Variants in MMP26 observed in about 807,000 individuals in gnomAD.
MMP26 encodes the protein matrix metallopeptidase 26.
Under a neutral mutation model 31.0 loss-of-function variants are expected in MMP26, and 33 were observed. That is an observed-to-expected ratio of 1.06 (90% confidence interval 0.81 to 1.42). The LOEUF (loss-of-function observed/expected upper bound fraction) is 1.42. Among genes scored for constraint, MMP26 ranks in the 40% most tolerant of loss-of-function variants. MMP26 has a pLI of 0.00. For missense variants in MMP26, 347 were observed against 316.1 expected, an observed-to-expected ratio of 1.10 and a Z score of -0.74; for synonymous variants, 122 against 114.9, an observed-to-expected ratio of 1.06 and a Z score of -0.40.
In MMP26 at chr11:4,952,359, T is replaced by C. The variant is rs1846382879; in HGVS notation, c.-144-35709T>C. Among the ~76,000 whole-genome samples the C allele has an allele frequency of 1.6e-5, 2 of 124,880 alleles. 1 individual carries two copies. Among genetic ancestry groups the C allele is most frequent in the African/African-American group, 5.4e-5 (2 of 36,956 alleles). The allele number at this position is 124,880 out of a possible 152,430, so 81.9% of individuals were successfully genotyped here. ...AATGAAGTCTTTATATTGAGCTGCC[T>C]ATCCTCACCCTGAGAGAATAGGAGC... On this transcript the variant is annotated intron_variant, in intron 2 of 7. Transcript: ENST00000380390.
intron 2 of MMP26, among the ~76,000 whole-genome samples, chr11:4,840,093 T>C (rs996466071): frequency 2.0e-5 from 3 of 152,030 alleles, no homozygotes; most frequent in Non-Finnish European, 2.9e-5. Flanking sequence ...TCCTTTGCCT[T>C]TGAAAAGTGG....
chr11:4,990,823 A>G lies in MMP26; in HGVS notation c.469+77A>G. ...AAAGGGTTTCCATCCTTAAACAAAAACCTAGCCCCCCTATTAAAGTTTCTG... is the reference window on the plus strand; with the variant it reads ...AAAGGGTTTCCATCCTTAAACAAAAGCCTAGCCCCCCTATTAAAGTTTCTG... On this transcript the variant is annotated intron_variant, in intron 5 of 7. Transcript: ENST00000380390. 3 of 1,432,450 alleles carry G rather than the reference A, an allele frequency of 2.1e-6. No homozygotes were observed. The East Asian group carries it at 6.9e-5, about 33-fold the overall frequency. 88.7% of individuals were successfully genotyped at this position (1,432,450 alleles called of 1,614,324 possible).
At chr11:4,785,799 C>T (rs976624737) in intron 2 of MMP26, among the ~76,000 whole-genome samples, 2 of 152,134 alleles carry the variant, frequency 1.3e-5, no homozygotes, top group African/African-American at 4.8e-5. Context: ...CTAAAAATTG[C>T]AAGACCATTC....
At chr11:4,790,653 G>A (rs17228183) in intron 2 of MMP26, among the ~76,000 whole-genome samples, 14,377 of 152,198 alleles carry the variant, frequency 0.094, 850 homozygotes, top group Middle Eastern at 0.15. Flanking sequence ...AAGGGCCCAG[G>A]TAAGAACATG....
At chr11:4,788,098 A>G (rs1848973325) in intron 2 of MMP26, among the ~76,000 whole-genome samples, 2 of 152,192 alleles carry the variant, frequency 1.3e-5, no homozygotes, top group Non-Finnish European at 2.9e-5. Context: ...ATACATGGAT[A>G]TCCAGTTCTG....
intron 2 of MMP26, among the ~76,000 whole-genome samples, chr11:4,960,672 A>G (rs188191016): frequency 1.7e-3 from 252 of 152,278 alleles, no homozygotes; most frequent in Middle Eastern, 3.4e-3. Context: ...TCCAAAGTCC[A>G]AAACTCCAAA....
chr11:4,845,136 TA>T (rs1210175538), intron 2 of MMP26, among the ~76,000 whole-genome samples: 3 of 151,792 alleles, frequency 2.0e-5, no homozygotes, highest in African/African-American at 4.8e-5. Context: ...AAAAAGAAAT[TA>T]AAAAGTAATC....
intron 2 of MMP26, among the ~76,000 whole-genome samples, chr11:4,983,230 C>G (rs1846840210): frequency 6.6e-6 from 1 of 152,188 alleles, no homozygotes; most frequent in Non-Finnish European, 1.5e-5. Flanking sequence ...ATCGATGGCT[C>G]CTTGCAGCCT....
chr11:4,813,304 C>T (rs1849375756), intron 2 of MMP26, among the ~76,000 whole-genome samples: 1 of 152,118 alleles, frequency 6.6e-6, no homozygotes, highest in Non-Finnish European at 1.5e-5. Flanking sequence ...TAGATCAATA[C>T]ATTATTGAAA....
chr11:4,969,756 C>T (rs900688203), intron 2 of MMP26, among the ~76,000 whole-genome samples: 8 of 151,926 alleles, frequency 5.3e-5, no homozygotes, highest in African/African-American at 1.7e-4. Context: ...CTTTTAAACC[C>T]AAGTAAAGTA....
chr11:4,848,493 TC>T, intron 2 of MMP26: 1 of 1,613,648 alleles, frequency 6.2e-7, no homozygotes, highest in Admixed American at 1.7e-5. Context: ...CCAGCGATCC[TC>T]TCTGGACTCC....
At chr11:4,794,058 G>T (rs2133445080) in intron 2 of MMP26, 1 of 152,262 alleles carries the variant, frequency 6.6e-6, no homozygotes, top group South Asian at 2.1e-4. Context: ...TGATATCTGT[G>T]GTTCTAATGA....
chr11:4,804,984 AATG>A (rs1849247451), intron 2 of MMP26, among the ~76,000 whole-genome samples: 1 of 151,542 alleles, frequency 6.6e-6, no homozygotes, highest in African/African-American at 2.4e-5. Flanking sequence ...AAAAAAAAAA[AATG>A]AATCAATATT....
intron 1 of MMP26, among the ~76,000 whole-genome samples, chr11:4,759,258 T>C (rs7934619): frequency 0.038 from 5,719 of 152,230 alleles, 357 homozygotes; most frequent in African/African-American, 0.13. Context: ...TTGTTATTAA[T>C]GTCAACAAAG....
rs1266454749 is a variant in MMP26, at chr11:4,948,678, GA to G, written c.-144-39383del. On this transcript the variant is annotated intron_variant, in intron 2 of 7. Coordinates refer to ENST00000380390, the MANE Select transcript of MMP26 (RefSeq NM_021801.5). Reference sequence around the variant, plus strand: ...ATCCTAAGGAAAAGGCTCTTGAGGAGAAAAAAACTATATACTCACCTCTATT... The same window carrying G: ...ATCCTAAGGAAAAGGCTCTTGAGGAGAAAAAACTATATACTCACCTCTATT... Among the ~76,000 whole-genome samples the G allele has an allele frequency of 8.9e-5, 11 of 123,438 alleles. 3 individuals carry two copies. The highest frequency in any genetic ancestry group is 2.7e-4 in the African/African-American group (10 of 36,524). The allele number at this position is 123,438 out of a possible 152,430, so 81.0% of individuals were successfully genotyped here. A position where few individuals can be genotyped will look rare whatever the true frequency, so the allele number is the denominator to read the frequency against.
chr11:4,899,314 A>G (rs1850767496), intron 2 of MMP26, among the ~76,000 whole-genome samples: 1 of 152,126 alleles, frequency 6.6e-6, no homozygotes, highest in African/African-American at 2.4e-5. Context: ...TGTGTTGTCT[A>G]TTTGCCCAAG....
Position 4,951,134 on chromosome 11 carries a change from G to T in MMP26, c.-144-36934G>T, listed in dbSNP as rs1371810537. Among the ~76,000 whole-genome samples, 3 of 124,780 alleles carry T rather than the reference G, an allele frequency of 2.4e-5. 1 individual carries two copies. Among genetic ancestry groups the T allele is most frequent in the African/African-American group, 8.2e-5 (3 of 36,794 alleles). 81.9% of individuals were successfully genotyped at this position (124,780 alleles called of 152,430 possible). The stretch of plus-strand genomic sequence containing the variant: ...CTCTAATATTCATCAACATGTGAAT[G>T]GGTAAAATTGAATTAGGTATTCTGA... On this transcript the variant is annotated intron_variant, in intron 2 of 7. Transcript: ENST00000380390.
intron 2 of MMP26, chr11:4,769,759 G>C (rs1848689633): frequency 1.2e-6 from 2 of 1,613,924 alleles, no homozygotes; most frequent in Non-Finnish European, 1.7e-6. Flanking sequence ...GACTCTGCTG[G>C]GTAATGATGA....
At chr11:4,883,349 A>C (rs1461945218) in intron 2 of MMP26, among the ~76,000 whole-genome samples, 1 of 152,158 alleles carries the variant, frequency 6.6e-6, no homozygotes, top group Non-Finnish European at 1.5e-5. Flanking sequence ...AGAAAGTTAT[A>C]ATTAAAAACT....
Sources: gnomAD v4.1 joint callset for allele counts (sites outside exome capture counted in the v4.1 genomes callset) on GRCh38, gnomAD v4.1.1 for gene constraint, MANE v1.5 for transcripts, NCBI Gene and HGNC (gene_info 2026-07-23, HGNC 2026-07-21) for gene names.